CDK14: variants seen among roughly 807,000 people sequenced by gnomAD.
CDK14 encodes the protein cyclin-dependent kinase 14.
A neutral mutation model predicts 60.7 loss-of-function variants in CDK14; 34 were observed. The observed-to-expected ratio is 0.56, with a 90% confidence interval of 0.43 to 0.75. CDK14 has a LOEUF of 0.75. CDK14 is among the 30% of genes least tolerant of loss of function. The pLI is 0.00. For synonymous variants in CDK14, 197 were observed against 203.7 expected, an observed-to-expected ratio of 0.97 and a Z score of 0.28; for missense variants, 482 against 564.1, an observed-to-expected ratio of 0.85 and a Z score of 1.47.
chr7:90,762,848 A>G (rs573537961), intron 4 of CDK14, among the ~76,000 whole-genome samples: 30 of 152,182 alleles, frequency 2.0e-4, no homozygotes, highest in African/African-American at 7.2e-4. Context: ...TTAGCCAGGC[A>G]TGGTGGCACA....
At chr7:90,846,533 C>T (rs572586555) in intron 5 of CDK14, among the ~76,000 whole-genome samples, 12 of 152,288 alleles carry the variant, frequency 7.9e-5, no homozygotes, top group African/African-American at 2.9e-4. Context: ...ACATTTCCAT[C>T]ACACTAAGCA....
chr7:91,012,111 T>C (rs1366807883), intron 10 of CDK14, among the ~76,000 whole-genome samples: 1 of 152,214 alleles, frequency 6.6e-6, no homozygotes, highest in Non-Finnish European at 1.5e-5. Context: ...TTCAGCCTTT[T>C]GGTCTTGCTT....
At chr7:90,767,275 A>G (rs771571039) in intron 4 of CDK14, among the ~76,000 whole-genome samples, 4 of 152,178 alleles carry the variant, frequency 2.6e-5, no homozygotes, top group Admixed American at 6.5e-5. Flanking sequence ...GCCTTGGCCT[A>G]TTTCTTGACC....
intron 14 of CDK14, among the ~76,000 whole-genome samples, chr7:91,132,135 A>G (rs1456127182): frequency 6.6e-6 from 1 of 152,278 alleles, no homozygotes; most frequent in South Asian, 2.1e-4. Flanking sequence ...TTTCAGGATG[A>G]TGACGGGTAC....
chr7:90,615,472 G>A (rs184593286), intron 2 of CDK14, among the ~76,000 whole-genome samples: 3 of 152,268 alleles, frequency 2.0e-5, no homozygotes, highest in East Asian at 1.9e-4. Context: ...AGCAGATCTC[G>A]AACACGTTAT....
intron 12 of CDK14, among the ~76,000 whole-genome samples, chr7:91,095,274 C>G (rs953266614): frequency 3.9e-5 from 6 of 152,160 alleles, no homozygotes; most frequent in Non-Finnish European, 7.3e-5. Context: ...CCATAGAAGG[C>G]ACTCAGTTCA....
intron 5 of CDK14, among the ~76,000 whole-genome samples, chr7:90,818,866 CTATG>C (rs1363666199): frequency 3.0e-5 from 4 of 132,702 alleles, no homozygotes; most frequent in Non-Finnish European, 4.7e-5. Context: ...TTCTCTCTCT[CTATG>C]TGTGTGTGTA....
rs145844397 is a variant in CDK14, at chr7:90,980,702, A to C, written c.948-3446A>C. On this transcript the variant is annotated intron_variant, in intron 9 of 14. Transcript: ENST00000380050. ...ATAATTCTCTCAGCTTCTTTAGTACATCCTCGAGCATGTTTGAAAAAGATG... is the reference window on the plus strand; with the variant it reads ...ATAATTCTCTCAGCTTCTTTAGTACCTCCTCGAGCATGTTTGAAAAAGATG... Among the ~76,000 whole-genome samples, 1,186 of 152,254 alleles carry C rather than the reference A, an allele frequency of 7.8e-3. 19 individuals carry two copies. The highest frequency in any genetic ancestry group is 0.028 in the African/African-American group (1,145 of 41,554).
At chr7:90,649,622 C>A (rs1389948452) in intron 2 of CDK14, among the ~76,000 whole-genome samples, 1 of 151,602 alleles carries the variant, frequency 6.6e-6, no homozygotes, top group Admixed American at 6.6e-5. Context: ...CACCCCATCC[C>A]ACAACATGCC....
At chr7:90,812,244 T>G (rs1359432194) in intron 5 of CDK14, among the ~76,000 whole-genome samples, 1 of 152,172 alleles carries the variant, frequency 6.6e-6, no homozygotes, top group Non-Finnish European at 1.5e-5. Context: ...TAAACTGGAT[T>G]AAGAAAATGT....
chr7:90,885,593 C>G (rs190532029), intron 6 of CDK14, among the ~76,000 whole-genome samples: 1 of 152,108 alleles, frequency 6.6e-6, no homozygotes, highest in Non-Finnish European at 1.5e-5. Flanking sequence ...ATAAATCATT[C>G]TACTATGAAG....
intron 10 of CDK14, among the ~76,000 whole-genome samples, chr7:91,004,356 A>T (rs1795922887): frequency 6.6e-6 from 1 of 152,258 alleles, no homozygotes; most frequent in Non-Finnish European, 1.5e-5. Context: ...AATATATGCT[A>T]ATAAAGTTGA....
intron 14 of CDK14, among the ~76,000 whole-genome samples, chr7:91,154,345 T>C (rs1193575167): frequency 5.3e-5 from 8 of 151,962 alleles, no homozygotes; most frequent in Non-Finnish European, 1.2e-4. Flanking sequence ...AACATTAAAG[T>C]TGTTTCCAAG....
intron 9 of CDK14, among the ~76,000 whole-genome samples, chr7:90,971,126 G>T (rs1415050732): frequency 1.3e-5 from 2 of 148,728 alleles, no homozygotes; most frequent in African/African-American, 4.9e-5. Flanking sequence ...TCATTGTTCA[G>T]TTCCCACCTA....
rs542779540 is a variant in CDK14, at chr7:90,896,847, A to T, written c.640-2444A>T. ...AATTTTATTCAGTTTTGAGGAAAGGATGTAATATGATTTCAGCTTTCTGGA... is the reference window on the plus strand; with the variant it reads ...AATTTTATTCAGTTTTGAGGAAAGGTTGTAATATGATTTCAGCTTTCTGGA... On this transcript the variant is annotated intron_variant, in intron 6 of 14. Transcript: ENST00000380050. Among the ~76,000 whole-genome samples the T allele has an allele frequency of 2.6e-5, 4 of 152,310 alleles. No homozygotes were observed. In the South Asian group the frequency reaches 6.2e-4, roughly 24 times the overall value.
At chr7:91,196,468 AT>A (rs1425301514) in intron 14 of CDK14, among the ~76,000 whole-genome samples, 2 of 152,210 alleles carry the variant, frequency 1.3e-5, no homozygotes, top group African/African-American at 4.8e-5. Flanking sequence ...TCCTGAATTG[AT>A]TTAGGCAAAT....
At chr7:90,855,460 A>C (rs969786159) in intron 5 of CDK14, among the ~76,000 whole-genome samples, 1 of 152,230 alleles carries the variant, frequency 6.6e-6, no homozygotes, top group African/African-American at 2.4e-5. Flanking sequence ...TTAGTATAAA[A>C]GCAATATATC....
intron 14 of CDK14, among the ~76,000 whole-genome samples, chr7:91,146,962 T>G (rs1800656124): frequency 6.6e-6 from 1 of 152,188 alleles, no homozygotes; most frequent in Non-Finnish European, 1.5e-5. Context: ...TATGGGACTT[T>G]TCTAATCATG....
chr7:91,124,593 C>A (rs1261275132), intron 14 of CDK14, among the ~76,000 whole-genome samples: 1 of 151,800 alleles, frequency 6.6e-6, no homozygotes, highest in Non-Finnish European at 1.5e-5. Context: ...GGTTCATCAG[C>A]CTTTGGATCC....
Sources: allele counts gnomAD v4.1 joint callset (sites outside exome capture counted in the v4.1 genomes callset), GRCh38; gene constraint gnomAD v4.1.1; transcripts MANE v1.5; gene names NCBI Gene and HGNC (gene_info 2026-07-23, HGNC 2026-07-21).